HACE1: variants seen among roughly 807,000 people sequenced by gnomAD.
HACE1 encodes the protein HECT domain and ankyrin repeat containing E3 ubiquitin protein ligase 1, also known as E3 ubiquitin-protein ligase HACE1.
In HACE1, 73 loss-of-function variants were observed where a neutral mutation model predicts 118.4. That is an observed-to-expected ratio of 0.62 (90% confidence interval 0.51 to 0.75). The LOEUF (loss-of-function observed/expected upper bound fraction) is 0.75. Ranked by LOEUF, HACE1 falls within the 30% of genes least tolerant of loss-of-function variation. The pLI, the probability that HACE1 is intolerant of heterozygous loss-of-function variation, is 0.00. For synonymous variants in HACE1, 368 were observed against 374.8 expected (o/e 0.98, Z 0.21); for missense variants, 749 against 1,102.2 (o/e 0.68, Z 4.54).
intron 7 of HACE1, among the ~76,000 whole-genome samples, chr6:104,807,162 T>G (rs887051000): frequency 1.3e-5 from 2 of 152,020 alleles, no homozygotes; most frequent in African/African-American, 4.8e-5. Flanking sequence ...TAGCTGAGAC[T>G]ACAGGCGTGC....
intron 10 of HACE1, among the ~76,000 whole-genome samples, chr6:104,793,049 A>G (rs1193437670): frequency 6.6e-6 from 1 of 151,542 alleles, no homozygotes; most frequent in African/African-American, 2.4e-5. Context: ...CAGGCAGATC[A>G]CGAGGTCAGG....
intron 4 of HACE1, among the ~76,000 whole-genome samples, chr6:104,846,415 T>C (rs917139457): frequency 2.0e-5 from 3 of 152,194 alleles, no homozygotes; most frequent in African/African-American, 7.2e-5. Flanking sequence ...TGAGCAATGC[T>C]GAATCCCCCT....
At chr6:104,818,641 C>G (rs144129360) in intron 6 of HACE1, among the ~76,000 whole-genome samples, 357 of 152,108 alleles carry the variant, frequency 2.3e-3, no homozygotes, top group Non-Finnish European at 3.9e-3. Context: ...AACAAAAACA[C>G]TGGCAAGCAG....
intron 6 of HACE1, among the ~76,000 whole-genome samples, chr6:104,821,431 C>T (rs1394186365): frequency 6.6e-6 from 1 of 152,044 alleles, no homozygotes; most frequent in African/African-American, 2.4e-5. Context: ...TATATATTAG[C>T]ATGCAATTAA....
intron 6 of HACE1, among the ~76,000 whole-genome samples, chr6:104,825,789 A>G (rs950773936): frequency 6.6e-6 from 1 of 152,186 alleles, no homozygotes; most frequent in Non-Finnish European, 1.5e-5. Context: ...TTCAATAAAT[A>G]TCTGCTTTTG....
Position 104,784,490 on chromosome 6 carries a change from G to C in HACE1, c.1410-5C>G. On this transcript the variant is annotated splice_region_variant and splice_polypyrimidine_tract_variant and intron_variant, in intron 12 of 23. Transcript: ENST00000262903. ...ATGAAACGAGGTGAAGTCATTCTGT[G>C]GGGGGAAAACATCAATCAGAATACA... 9 of 1,602,946 alleles carry C rather than the reference G, an allele frequency of 5.6e-6. No individual in the cohort carries two copies. The highest frequency in any genetic ancestry group is 6.8e-6 in the Non-Finnish European group (8 of 1,170,124).
At chr6:104,736,538 T>C (rs1481024230) in intron 22 of HACE1, among the ~76,000 whole-genome samples, 1 of 152,140 alleles carries the variant, frequency 6.6e-6, no homozygotes, top group African/African-American at 2.4e-5. Context: ...CACCTCAGCC[T>C]CTCAAAGTGC....
In HACE1 at chr6:104,785,316, G is replaced by A. The variant is rs1782239921; in HGVS notation, c.1078C>T (p.Leu360=). 6.4e-7 allele frequency: 1 copy of A among 1,573,622 alleles called. No individual in the cohort carries two copies. The highest frequency in any genetic ancestry group is 8.7e-7 in the Non-Finnish European group (1 of 1,144,878). Residue 360 remains leucine (L), a synonymous_variant, in exon 12 of 24, where the codon CTG becomes TTG. Transcript: ENST00000262903. ...KTPRSQVFKP[L]ELLWHSLDEW... is the part of the protein sequence containing the mutation. Reference sequence around the variant, plus strand: ...TCTAACGAGTGCCAAAGCAATTCCAGAGGCTGAGAGAAACAAAAGTGTTTT... The same window carrying A: ...TCTAACGAGTGCCAAAGCAATTCCAAAGGCTGAGAGAAACAAAAGTGTTTT...
chr6:104,827,041 A>G (rs1773408850), intron 6 of HACE1, among the ~76,000 whole-genome samples: 3 of 152,212 alleles, frequency 2.0e-5, no homozygotes, highest in Admixed American at 2.0e-4. Flanking sequence ...GTGACAAAAC[A>G]ATATCCTGAG....
At chr6:104,857,956 C>CAAAAAA (rs34623570) in intron 1 of HACE1, among the ~76,000 whole-genome samples, 1 of 101,756 alleles carries the variant, frequency 9.8e-6, no homozygotes, top group African/African-American at 3.8e-5. Flanking sequence ...GACTCCGTCT[C>CAAAAAA]AAAAAAAAAA....
chr6:104,802,060 T>G (rs1288373115), intron 7 of HACE1, among the ~76,000 whole-genome samples: 1 of 145,830 alleles, frequency 6.9e-6, no homozygotes, highest in East Asian at 2.0e-4. Flanking sequence ...AAGCAGGGGT[T>G]GCAATCCAGG....
At chr6:104,850,836 G>C in intron 3 of HACE1, 71 bp downstream of exon 3, 1 of 931,076 alleles carries the variant, frequency 1.1e-6, no homozygotes. Flanking sequence ...AATATTGTGT[G>C]ATAATGCTGT....
intron 7 of HACE1, among the ~76,000 whole-genome samples, chr6:104,798,679 T>C (rs548937600): frequency 1.3e-5 from 2 of 152,374 alleles, no homozygotes; most frequent in Admixed American, 6.5e-5. Context: ...GTCAAGATGT[T>C]ATAAACAATA....
At chr6:104,804,957 C>T (rs1770827849) in intron 7 of HACE1, among the ~76,000 whole-genome samples, 1 of 152,188 alleles carries the variant, frequency 6.6e-6, no homozygotes, top group Non-Finnish European at 1.5e-5. Flanking sequence ...GCAATCTACT[C>T]ATCTGACAAA....
At chr6:104,785,733 T>C (rs973666074) in intron 11 of HACE1, 4 of 162,810 alleles carry the variant, frequency 2.5e-5, no homozygotes, top group Non-Finnish European at 5.4e-5. Context: ...TTTTTTCAGT[T>C]AAAAAATGAG....
intron 20 of HACE1, among the ~76,000 whole-genome samples, chr6:104,750,110 T>C (rs1427601602): frequency 6.6e-6 from 1 of 152,168 alleles, no homozygotes; most frequent in Non-Finnish European, 1.5e-5. Context: ...CCATTTTAGT[T>C]TGTCACCACC....
At chr6:104,756,847 T>C (rs921009146) in intron 19 of HACE1, among the ~76,000 whole-genome samples, 5 of 152,180 alleles carry the variant, frequency 3.3e-5, no homozygotes, top group African/African-American at 1.2e-4. Context: ...GCCCAAATAA[T>C]GCACTTTTCC....
intron 19 of HACE1, among the ~76,000 whole-genome samples, chr6:104,765,470 A>G (rs1196910479): frequency 6.6e-6 from 1 of 152,188 alleles, no homozygotes; most frequent in African/African-American, 2.4e-5. Context: ...AGGCAACAAC[A>G]ACAAAATAGT....
chr6:104,739,251 A>G (rs1221424522), intron 22 of HACE1, among the ~76,000 whole-genome samples: 19 of 152,114 alleles, frequency 1.2e-4, no homozygotes, highest in African/African-American at 4.1e-4. Context: ...GGAAGAAACT[A>G]TATCAACTAA....
Sources: allele counts gnomAD v4.1 joint callset (sites outside exome capture counted in the v4.1 genomes callset), GRCh38; gene constraint gnomAD v4.1.1; transcripts MANE v1.5; gene names NCBI Gene and HGNC (gene_info 2026-07-23, HGNC 2026-07-21).